HDAC4: variants seen among roughly 807,000 people sequenced by gnomAD.
HDAC4 encodes the protein histone deacetylase 4.
In HDAC4, 16 loss-of-function variants were observed where a neutral mutation model predicts 135.1. That is an observed-to-expected ratio of 0.12 (90% confidence interval 0.08 to 0.18). The LOEUF (loss-of-function observed/expected upper bound fraction) is 0.18. Among genes scored for constraint, HDAC4 ranks in the 10% least tolerant of loss-of-function variants. The pLI, the probability that HDAC4 is intolerant of heterozygous loss-of-function variation, is 1.00. For synonymous variants in HDAC4, 685 were observed against 653.4 expected, an observed-to-expected ratio of 1.05 and a Z score of -0.74; for missense variants, 1,143 against 1,511.8, an observed-to-expected ratio of 0.76 and a Z score of 4.05.
chr2:239,191,383 A>G (rs1370051309), intron 3 of HDAC4, among the ~76,000 whole-genome samples: 1 of 152,188 alleles, frequency 6.6e-6, no homozygotes, highest in Non-Finnish European at 1.5e-5. Context: ...CTCAGTTCCT[A>G]GGAAAACCTG....
chr2:239,174,931 C>A (rs1229865817), intron 5 of HDAC4, among the ~76,000 whole-genome samples: 1 of 152,160 alleles, frequency 6.6e-6, no homozygotes, highest in African/African-American at 2.4e-5. Context: ...CAAAAGCAGG[C>A]AAAATTAATC....
chr2:239,208,326 CAAAAAAAAAAAAA>C (rs759398313), intron 3 of HDAC4, among the ~76,000 whole-genome samples: 16 of 68,202 alleles, frequency 2.3e-4, no homozygotes, highest in Admixed American at 3.9e-4. Flanking sequence ...GACTCCGTCC[CAAAAAAAAAAAAA>C]AAAAAAAAAA....
chr2:239,321,413 C>A (rs935589742), intron 2 of HDAC4, among the ~76,000 whole-genome samples: 2 of 135,032 alleles, frequency 1.5e-5, no homozygotes, highest in Non-Finnish European at 3.0e-5. Context: ...TGCAGCGAGC[C>A]GAGATAGCGC....
At chr2:239,220,935 A>G (rs1307326213) in intron 3 of HDAC4, among the ~76,000 whole-genome samples, 1 of 152,154 alleles carries the variant, frequency 6.6e-6, no homozygotes, top group Non-Finnish European at 1.5e-5. Context: ...TAGCCAAAAA[A>G]AGCCAGGGAC....
At chr2:239,298,192 G>C in intron 2 of HDAC4, 6 of 1,288,614 alleles carry the variant, frequency 4.7e-6, no homozygotes, top group Non-Finnish European at 6.1e-6. Context: ...GCAAGCTCAG[G>C]GAACAGCAGA....
chr2:239,192,430 C>G (rs757938800), intron 3 of HDAC4, among the ~76,000 whole-genome samples: 1 of 152,166 alleles, frequency 6.6e-6, no homozygotes, highest in East Asian at 1.9e-4. Context: ...GAAACATCAG[C>G]GTTCACCTAC....
At chr2:239,362,887 A>G (rs1693948551) in intron 1 of HDAC4, among the ~76,000 whole-genome samples, 1 of 152,248 alleles carries the variant, frequency 6.6e-6, no homozygotes, top group Non-Finnish European at 1.5e-5. Context: ...GATATAGTGT[A>G]TACACAGAAA....
chr2:239,166,395 T>C (rs2043125098), intron 5 of HDAC4, among the ~76,000 whole-genome samples: 1 of 152,036 alleles, frequency 6.6e-6, no homozygotes, highest in African/African-American at 2.4e-5. Flanking sequence ...ATTGCCCGAG[T>C]CAAGCTGTGC....
Position 239,084,246 on chromosome 2 carries a change from C to G in HDAC4, c.2445-4G>C, listed in dbSNP as rs528609316. On this transcript the variant is annotated splice_polypyrimidine_tract_variant and splice_region_variant and intron_variant, in intron 19 of 26. Coordinates refer to ENST00000543185, the MANE Select transcript of HDAC4 (RefSeq NM_001378414.1). ...GGAGTTGAAGTAGCAAAAGCCCCTG[C>G]GGGAGAGAACTGACGCTGGAGACGA... 29 of 1,606,918 alleles carry G rather than the reference C, an allele frequency of 1.8e-5. No homozygotes were observed. In the South Asian group the frequency reaches 3.0e-4, roughly 17 times the overall value.
chr2:239,373,779 A>G (rs1030691073), intron 1 of HDAC4, among the ~76,000 whole-genome samples: 1 of 152,200 alleles, frequency 6.6e-6, no homozygotes, highest in East Asian at 1.9e-4. Context: ...TTTGTTGCTA[A>G]TATCTTTATC....
chr2:239,312,502 T>C (rs2052930935), intron 2 of HDAC4, among the ~76,000 whole-genome samples: 1 of 152,216 alleles, frequency 6.6e-6, no homozygotes, highest in Admixed American at 6.5e-5. Context: ...AGCCAGATGA[T>C]GGTGAAATTC....
chr2:239,254,864 A>C (rs1265044923), intron 2 of HDAC4, among the ~76,000 whole-genome samples: 1 of 152,258 alleles, frequency 6.6e-6, no homozygotes, highest in African/African-American at 2.4e-5. Context: ...TTAAACACTA[A>C]ACATGGAAAA....
chr2:239,294,700 AGC>A (rs2051747147), intron 2 of HDAC4, among the ~76,000 whole-genome samples: 1 of 151,656 alleles, frequency 6.6e-6, no homozygotes, highest in African/African-American at 2.4e-5. Context: ...AAGGAAGGGG[AGC>A]AGGTGGGCCT....
chr2:239,049,376 G>T lies in HDAC4; in HGVS notation c.*3721C>A, dbSNP rs1276156256. 1 of 152,410 alleles carries T rather than the reference G, an allele frequency of 6.6e-6. No homozygotes were observed. Among genetic ancestry groups the T allele is most frequent in the Non-Finnish European group, 1.5e-5 (1 of 68,024 alleles). 9.4% of individuals were successfully genotyped at this position (152,410 alleles called of 1,614,324 possible). ...CTTCTTCCCCAAAGCTGCCGAGTTT[G>T]GCGTGCAAAATCTGTATACAATATA... On this transcript the variant is annotated 3_prime_UTR_variant, in exon 27 of 27. Transcript: ENST00000543185.
chr2:239,156,758 A>G lies in HDAC4; in HGVS notation c.627T>C (p.Ser209=). The change falls in exon 7 of 27, where the codon AGT becomes AGC. Residue 209 remains serine, a synonymous_variant. Coordinates refer to ENST00000543185, the MANE Select transcript of HDAC4 (RefSeq NM_001378414.1). Reference sequence around the variant, plus strand: ...GGGGTGGAGAACTCTGGTCAAGGGAACTGTGCTGCGTTTTCCTGGAGAGAA... The same window carrying G: ...GGGGTGGAGAACTCTGGTCAAGGGAGCTGTGCTGCGTTTTCCTGGAGAGAA... ...PRYWYGKTQH[S]SLDQSSPPQS... The G allele has an allele frequency of 6.2e-7, 1 of 1,614,120 alleles. No individual in the cohort carries two copies. Among genetic ancestry groups the G allele is most frequent in the African/African-American group, 1.3e-5 (1 of 75,030 alleles).
intron 12 of HDAC4, among the ~76,000 whole-genome samples, chr2:239,124,010 G>A (rs1406140308): frequency 6.6e-6 from 1 of 152,018 alleles, no homozygotes; most frequent in Non-Finnish European, 1.5e-5. Context: ...AACGGGGGTG[G>A]GGTGGAGTGA....
At chr2:239,114,761 AT>A (rs1311024133) in intron 13 of HDAC4, among the ~76,000 whole-genome samples, 1 of 152,176 alleles carries the variant, frequency 6.6e-6, no homozygotes, top group Non-Finnish European at 1.5e-5. Flanking sequence ...TTCTGTGTTC[AT>A]TTACAGCCTA....
intron 3 of HDAC4, among the ~76,000 whole-genome samples, chr2:239,192,075 A>G (rs1287071600): frequency 6.6e-6 from 1 of 152,262 alleles, no homozygotes; most frequent in African/African-American, 2.4e-5. Context: ...ACTTTGACAC[A>G]GTAAAAGGTT....
rs566027028 is a variant in HDAC4 at position 239,320,946 on chromosome 2, A to C, written c.22+31732T>G. On this transcript the variant is annotated intron_variant, in intron 2 of 26. Transcript: ENST00000543185. ...TTTTATCTAATCTTTTTTATTTTTC[A>C]AAACATTCTCTCATATTTACATGAT... Among the ~76,000 whole-genome samples the C allele has an allele frequency of 1.3e-3, 192 of 152,282 alleles. 7 individuals are homozygous for C. The South Asian group carries it at 0.039, about 31-fold the overall frequency.
Sources: gnomAD v4.1 joint callset for allele counts (sites outside exome capture counted in the v4.1 genomes callset) on GRCh38, gnomAD v4.1.1 for gene constraint, MANE v1.5 for transcripts, NCBI Gene and HGNC (gene_info 2026-07-23, HGNC 2026-07-21) for gene names.